DIP2A: variants seen among roughly 807,000 people sequenced by gnomAD.
DIP2A encodes disco-interacting protein 2 homolog A.
Under a neutral mutation model 177.4 loss-of-function variants are expected in DIP2A, and 85 were observed. That is an observed-to-expected ratio of 0.48 (90% CI 0.40 to 0.57). The LOEUF is 0.57. Among genes scored for constraint, DIP2A ranks in the 20% least tolerant of loss-of-function variants. DIP2A has a pLI of 0.00. For synonymous variants in DIP2A, 886 were observed against 881.8 expected (o/e 1.00, Z -0.08); for missense variants, 1,791 against 2,100.2 (o/e 0.85, Z 2.88).
chr21:46,463,978 G>A (rs1168054064), intron 1 of DIP2A, among the ~76,000 whole-genome samples: 2 of 151,618 alleles, frequency 1.3e-5, no homozygotes, highest in Admixed American at 1.3e-4. Context: ...AAAGTGCTGG[G>A]ATTACAGGCA....
intron 35 of DIP2A, among the ~76,000 whole-genome samples, chr21:46,565,312 T>C (rs1211673970): frequency 1.3e-5 from 2 of 152,154 alleles, no homozygotes; most frequent in Non-Finnish European, 2.9e-5. Context: ...TTACTGTGAG[T>C]CTGAGCAGCT....
chr21:46,508,787 C>G (rs911123637), intron 6 of DIP2A, among the ~76,000 whole-genome samples: 2 of 151,776 alleles, frequency 1.3e-5, no homozygotes, highest in African/African-American at 4.8e-5. Flanking sequence ...GTTTGGGAGG[C>G]CAAGGCAGGT....
intron 1 of DIP2A, among the ~76,000 whole-genome samples, chr21:46,480,792 A>G (rs1387660563): frequency 6.6e-6 from 1 of 152,160 alleles, no homozygotes; most frequent in Non-Finnish European, 1.5e-5. Context: ...AAGTGACCTG[A>G]CCAAAGGCAG....
At chr21:46,478,474 A>G (rs1329907642) in intron 1 of DIP2A, among the ~76,000 whole-genome samples, 2 of 152,104 alleles carry the variant, frequency 1.3e-5, no homozygotes, top group Non-Finnish European at 2.9e-5. Context: ...GGCCTCCCAA[A>G]GTGCTGGGAT....
intron 34 of DIP2A, 98 bp downstream of exon 34, chr21:46,561,903 A>G: frequency 6.5e-7 from 1 of 1,533,166 alleles, no homozygotes; most frequent in Non-Finnish European, 8.7e-7. Context: ...GCTCTGATGA[A>G]CACAGGTCGA....
Position 46,563,649 on chromosome 21 carries a change from CTG to C in DIP2A, c.4090-208_4090-207del, listed in dbSNP as rs2060742677. 3.6e-6 allele frequency: 3 copies of C among 834,582 alleles called. No individual in the cohort carries two copies. In the South Asian group the frequency reaches 6.0e-5, roughly 17 times the overall value. The allele number at this position is 834,582 out of a possible 1,614,324, so 51.7% of individuals were successfully genotyped here. A position where few individuals can be genotyped will look rare whatever the true frequency, so the allele number is the denominator to read the frequency against. On this transcript the variant is annotated intron_variant, in intron 34 of 37. Transcript: ENST00000417564. The surrounding 1 kb of genome is among the most constrained non-coding windows in gnomAD (Gnocchi z 4.3). The stretch of plus-strand genomic sequence containing the variant: ...CAGAGACGGGATCCCTTCTCAGGAA[CTG>C]GAGTCATTTTGCTTATTTCTATTAA...
At chr21:46,527,431 T>C (rs935965034) in intron 8 of DIP2A, among the ~76,000 whole-genome samples, 13 of 145,650 alleles carry the variant, frequency 8.9e-5, no homozygotes, top group African/African-American at 2.8e-4. Flanking sequence ...GTTCAAGCAG[T>C]TCTCCTGCCT....
At chr21:46,492,100 T>A (rs2057046122) in intron 3 of DIP2A, among the ~76,000 whole-genome samples, 1 of 152,218 alleles carries the variant, frequency 6.6e-6, no homozygotes, top group Non-Finnish European at 1.5e-5. Flanking sequence ...ACAAGTTTTG[T>A]AGTTTTAGGT....
chr21:46,571,716 A>G (rs947888351), downstream of DIP2A, among the ~76,000 whole-genome samples: 10 of 152,212 alleles, frequency 6.6e-5, no homozygotes, highest in African/African-American at 2.4e-4. Context: ...TTATTGGTGT[A>G]TAAGAATGCT....
chr21:46,521,958 A>C (rs74275985), intron 8 of DIP2A, among the ~76,000 whole-genome samples: 1 of 152,236 alleles, frequency 6.6e-6, no homozygotes, highest in East Asian at 1.9e-4. Context: ...CACATTTCAC[A>C]CTTGCAGGTA....
Position 46,550,626 on chromosome 21 carries a change from G to A in DIP2A, c.2721G>A (p.Gly907=). 2 of 1,613,920 alleles carry A rather than the reference G, an allele frequency of 1.2e-6. No homozygotes were observed. The highest frequency in any genetic ancestry group is 1.7e-6 in the Non-Finnish European group (2 of 1,179,864). Residue 907 remains glycine (G), a synonymous_variant, in exon 23 of 38, where the codon GGG becomes GGA. Coordinates refer to ENST00000417564, the MANE Select transcript of DIP2A (RefSeq NM_015151.4). ...ANTLPKAPLG[G]IHISETKQRF... ...CCTTGCCCAAGGCTCCTCTCGGAGG[G>A]ATTCACATTTCTGAAACCAAACAGC...
chr21:46,481,366 A>C (rs2056332586), intron 1 of DIP2A, among the ~76,000 whole-genome samples: 1 of 152,144 alleles, frequency 6.6e-6, no homozygotes. Flanking sequence ...CATTCACTTG[A>C]CATCTGGGTT....
At chr21:46,507,138 A>T (rs925205513) in intron 6 of DIP2A, among the ~76,000 whole-genome samples, 1 of 152,162 alleles carries the variant, frequency 6.6e-6, no homozygotes, top group African/African-American at 2.4e-5. Context: ...AAGTCATCCC[A>T]TATGAGGTTT....
rs571871048 is a variant in DIP2A at position 46,532,430 on chromosome 21, A to G, written c.1305+193A>G. ...GTTTTGCCTGCCTCTCTTCTTGTTAATGAGAGGGGCACTGAGAACCGTTTT... is the reference window on the plus strand; with the variant it reads ...GTTTTGCCTGCCTCTCTTCTTGTTAGTGAGAGGGGCACTGAGAACCGTTTT... On this transcript the variant is annotated intron_variant, in intron 10 of 37. Transcript: ENST00000417564. Among the ~76,000 whole-genome samples, 16 of 152,278 alleles carry G rather than the reference A, an allele frequency of 1.1e-4. No individual in the cohort carries two copies. In the South Asian group the frequency reaches 3.3e-3, roughly 32 times the overall value.
intron 9 of DIP2A, among the ~76,000 whole-genome samples, chr21:46,530,012 A>G (rs1474191536): frequency 2.0e-5 from 3 of 152,228 alleles, no homozygotes; most frequent in Non-Finnish European, 4.4e-5. Flanking sequence ...TTGGTTGCAC[A>G]AGCCACATTT....
chr21:46,530,851 A>C (rs746550560), intron 9 of DIP2A, among the ~76,000 whole-genome samples: 3 of 152,172 alleles, frequency 2.0e-5, no homozygotes, highest in Non-Finnish European at 2.9e-5. Context: ...ATTGGCAATG[A>C]CAGTGGCTTT....
At chr21:46,534,531 C>T in intron 12 of DIP2A, 54 bp from the exon 13 acceptor site, 1 of 1,515,600 alleles carries the variant, frequency 6.6e-7, no homozygotes, top group Non-Finnish European at 9.1e-7. Flanking sequence ...TCCATTCTGT[C>T]TGTTGTCACC....
intron 36 of DIP2A, 50 bp downstream of exon 36, chr21:46,565,937 G>T (rs770340006): frequency 1.9e-6 from 3 of 1,602,390 alleles, no homozygotes. Context: ...GGGAGGACCT[G>T]GGCTCCCCAA....
the DIP2A span, among the ~76,000 whole-genome samples, chr21:46,575,749 T>C: frequency 1.3e-5 from 2 of 152,208 alleles, no homozygotes; most frequent in East Asian, 1.9e-4. Flanking sequence ...CATCGAACAA[T>C]ACAAAGAAAT....
Sources: gnomAD v4.1 joint callset for allele counts (sites outside exome capture counted in the v4.1 genomes callset) on GRCh38, gnomAD v4.1.1 for gene constraint, Gnocchi (gnomAD v3.1) non-coding constraint, MANE v1.5 for transcripts, NCBI Gene and HGNC (gene_info 2026-07-23, HGNC 2026-07-21) for gene names.